Variants in C18orf32 observed in about 807,000 individuals in gnomAD.
C18orf32 encodes UPF0729 protein C18orf32.
In C18orf32, 5 loss-of-function variants were observed where a neutral mutation model predicts 7.4. The ratio of observed to expected loss-of-function variants is 0.68; its 90% CI spans 0.35 to 1.42. C18orf32 has a LOEUF of 1.42. Ranked by LOEUF, C18orf32 falls within the 40% of genes most tolerant of loss-of-function variation. The pLI is 0.04. For synonymous variants in C18orf32, 30 were observed against 29.3 expected (o/e 1.02, Z -0.08); for missense variants, 88 against 92.4 (o/e 0.95, Z 0.19).
At position 49,483,704 on chromosome 18, in the gene C18orf32, G is replaced by A. The variant is rs375834505; in HGVS notation, c.45C>T (p.Ile15=). 1.1e-5 allele frequency: 17 copies of A among 1,613,516 alleles called. No homozygotes were observed. In the African/African-American group the frequency reaches 1.6e-4, roughly 15 times the overall value. ...PCIVIPVLLW[I]YKKFLEPYIY... is the part of the protein sequence containing the mutation. ...TATATGGCTCCAGGAATTTTTTGTA[G>A]ATCCAGAGCAGAACTGGAATGACGA... The change falls in exon 2 of 3, where the codon ATC becomes ATT. Residue 15 remains isoleucine (I), a synonymous_variant. Coordinates refer to ENST00000318240, the MANE Select transcript of C18orf32 (RefSeq NM_001035005.4).
In C18orf32 at chr18:49,481,638, G is replaced by A. The variant is rs1369219838; in HGVS notation, c.*707C>T. The A allele has an allele frequency of 1.3e-5, 2 of 152,114 alleles. No individual in the cohort carries two copies. The highest frequency in any genetic ancestry group is 2.9e-5 in the Non-Finnish European group (2 of 68,036). 9.4% of individuals were successfully genotyped at this position (152,114 alleles called of 1,614,324 possible). On this transcript the variant is annotated 3_prime_UTR_variant, in exon 3 of 3. Coordinates refer to ENST00000318240, the MANE Select transcript of C18orf32 (RefSeq NM_001035005.4). ...AATTTCCCTTTTGAATATTTCAATA[G>A]ACTTTAAAAGAAAATGAACTACCAG...
chr18:49,483,040 C>A (rs1830806730), intron 2 of C18orf32, among the ~76,000 whole-genome samples: 1 of 152,148 alleles, frequency 6.6e-6, no homozygotes, highest in African/African-American at 2.4e-5. Context: ...CTCAGGTGAT[C>A]AACCCATCTT....
chr18:49,486,707 C>T (rs1052760202), intron 1 of C18orf32: 5 of 152,070 alleles, frequency 3.3e-5, no homozygotes, highest in Non-Finnish European at 5.9e-5. Flanking sequence ...CAGTTAAAGT[C>T]TGAGGCTCCA....
At chr18:49,486,278 TCAAAA>T (rs1342380753) in intron 1 of C18orf32, 1 of 152,052 alleles carries the variant, frequency 6.6e-6, no homozygotes, top group Admixed American at 6.6e-5. Context: ...CGAAACCCCT[TCAAAA>T]CAACTGACAA....
In C18orf32 at chr18:49,482,433, A is replaced by C. The variant is rs374231324; in HGVS notation, c.166-23T>G. ...ACCCTAAAATGAAAAAACATTTTAG[A>C]AATTATCATAACAAGCCGGGTGCGG... On this transcript the variant is annotated intron_variant, in intron 2 of 2. Coordinates refer to ENST00000318240, the MANE Select transcript of C18orf32 (RefSeq NM_001035005.4). 1.0e-5 allele frequency: 16 copies of C among 1,571,550 alleles called. No homozygotes were observed. In the African/African-American group the frequency reaches 2.2e-4, roughly 21 times the overall value.
intron 1 of C18orf32, among the ~76,000 whole-genome samples, chr18:49,485,535 C>A (rs1464984967): frequency 6.9e-6 from 1 of 145,478 alleles, no homozygotes; most frequent in Non-Finnish European, 1.5e-5. Context: ...GCCTGCGTGA[C>A]AAGAGCAAAA....
In C18orf32 at chr18:49,487,233, A is replaced by T. The variant is rs545022914; in HGVS notation, c.-214T>A. 2 of 153,530 alleles carry T rather than the reference A, an allele frequency of 1.3e-5. No individual in the cohort carries two copies. The highest frequency in any genetic ancestry group is 4.1e-4 in the South Asian group (2 of 4,840). The allele number at this position is 153,530 out of a possible 1,614,324, so 9.5% of individuals were successfully genotyped here. A position where few individuals can be genotyped will look rare whatever the true frequency, so the allele number is the denominator to read the frequency against. On this transcript the variant is annotated 5_prime_UTR_variant, in exon 1 of 3. The change creates a new upstream start codon in the 5' untranslated region. Transcript: ENST00000318240. Reference sequence around the variant, plus strand: ...CGCGACCGCGGAAACGCAGCTGACAATGTCCGCACTTCCGGAGGGAGGGAC... The same window carrying T: ...CGCGACCGCGGAAACGCAGCTGACATTGTCCGCACTTCCGGAGGGAGGGAC...
rs1415564076 is a variant in C18orf32 at position 49,483,666 on chromosome 18, A to G, written c.83T>C (p.Val28Ala). 1.5e-5 allele frequency: 24 copies of G among 1,613,842 alleles called. No homozygotes were observed. The highest frequency in any genetic ancestry group is 1.9e-5 in the Non-Finnish European group (22 of 1,179,964). Residue 28 changes from valine to alanine, a missense_variant, in exon 2 of 3, where the codon GTT (valine) becomes GCT (alanine). Coordinates refer to ENST00000318240, the MANE Select transcript of C18orf32 (RefSeq NM_001035005.4). Reference sequence around the variant, plus strand: ...CCATATACGACTAACGAAGGGGGAAACCAGAGGGTATATATATGGCTCCAG... The same window carrying G: ...CCATATACGACTAACGAAGGGGGAAGCCAGAGGGTATATATATGGCTCCAG... ...KFLEPYIYPL[V>A]SPFVSRIWPK...
chr18:49,484,170 A>C (rs2083707103), intron 1 of C18orf32, among the ~76,000 whole-genome samples: 1 of 120,864 alleles, frequency 8.3e-6, no homozygotes, highest in African/African-American at 2.9e-5. Context: ...ATATATATAC[A>C]CACACACACA....
intron 1 of C18orf32, among the ~76,000 whole-genome samples, chr18:49,485,251 T>A (rs1196403420): frequency 6.6e-6 from 1 of 152,086 alleles, no homozygotes; most frequent in Non-Finnish European, 1.5e-5. Context: ...AAGCAAGAGC[T>A]ATAAACAAAA....
rs1219314490 is a variant in C18orf32 at position 49,477,893 on chromosome 18, T to TAC, written c.*4450_*4451dup. On this transcript the variant is annotated 3_prime_UTR_variant, in exon 3 of 3. Transcript: ENST00000318240. ...ACTATATATATACACTATATATATA[T>TAC]ACACTATATGTATATACACTATATA... 1 of 139,796 alleles carries TAC rather than the reference T, an allele frequency of 7.2e-6. No individual in the cohort carries two copies. Among genetic ancestry groups the TAC allele is most frequent in the Non-Finnish European group, 1.5e-5 (1 of 65,702 alleles). The allele number at this position is 139,796 out of a possible 1,614,324, so 8.7% of individuals were successfully genotyped here.
chr18:49,478,902 ATTC>A lies in C18orf32; in HGVS notation c.*3440_*3442del, dbSNP rs2083638940. 1 of 140,904 alleles carries A rather than the reference ATTC, an allele frequency of 7.1e-6. No individual in the cohort carries two copies. Among genetic ancestry groups the A allele is most frequent in the African/African-American group, 3.2e-5 (1 of 30,886 alleles). The allele number at this position is 140,904 out of a possible 1,614,324, so 8.7% of individuals were successfully genotyped here. ...AAACTGATGGCTATTTTTGTCCACTATTCCCATGTTCTTTTTCACTCTTCTGGT... is the reference window on the plus strand; with the variant it reads ...AAACTGATGGCTATTTTTGTCCACTACCATGTTCTTTTTCACTCTTCTGGT... On this transcript the variant is annotated 3_prime_UTR_variant, in exon 3 of 3. Coordinates refer to ENST00000318240, the MANE Select transcript of C18orf32 (RefSeq NM_001035005.4).
At position 49,479,687 on chromosome 18, in the gene C18orf32, G is replaced by C. The variant is rs1389395459; in HGVS notation, c.*2658C>G. The C allele has an allele frequency of 6.6e-6, 1 of 152,298 alleles. No individual in the cohort carries two copies. Among genetic ancestry groups the C allele is most frequent in the Non-Finnish European group, 1.5e-5 (1 of 68,122 alleles). The allele number at this position is 152,298 out of a possible 1,614,324, so 9.4% of individuals were successfully genotyped here. On this transcript the variant is annotated 3_prime_UTR_variant, in exon 3 of 3. Transcript: ENST00000318240. ...TCTGGCTGAGGAACAGTTGGCCTGA[G>C]GTGACCTTGCAGAGAGAGGGCCAAG...
chr18:49,482,838 A>C (rs1600473261), intron 2 of C18orf32, among the ~76,000 whole-genome samples: 2 of 135,862 alleles, frequency 1.5e-5, no homozygotes, highest in African/African-American at 2.9e-5. Context: ...CATTCTTGTC[A>C]CCCAGGCTGG....
chr18:49,486,051 A>C (rs1402394418), intron 1 of C18orf32: 1 of 148,404 alleles, frequency 6.7e-6, no homozygotes, highest in Admixed American at 6.9e-5. Flanking sequence ...ACTGGACTCC[A>C]GCCTGGGCCA....
Position 49,480,736 on chromosome 18 carries a change from A to T in C18orf32, c.*1609T>A, listed in dbSNP as rs1040290018. ...TAGAGAGCCGTGATCATGCTGCTGC[A>T]CTCCAGCTTGAGTGACAGAGTGAGA... is the stretch of plus-strand genomic sequence containing the variant. On this transcript the variant is annotated 3_prime_UTR_variant, in exon 3 of 3. Transcript: ENST00000318240. 5 of 152,208 alleles carry T rather than the reference A, an allele frequency of 3.3e-5. No individual in the cohort carries two copies. Among genetic ancestry groups the T allele is most frequent in the Non-Finnish European group, 7.3e-5 (5 of 68,046 alleles). The allele number at this position is 152,208 out of a possible 1,614,324, so 9.4% of individuals were successfully genotyped here.
chr18:49,482,130 T>C lies in C18orf32; in HGVS notation c.*215A>G, dbSNP rs768911330. 5.6e-5 allele frequency: 28 copies of C among 500,664 alleles called. No individual in the cohort carries two copies. The highest frequency in any genetic ancestry group is 9.4e-5 in the Non-Finnish European group (27 of 285,716). 31.0% of individuals were successfully genotyped at this position (500,664 alleles called of 1,614,324 possible). ...AGCAATAACAGAAATGAAAGCTACA[T>C]TAACGAAAAAGGAACTTAGGAATGA... On this transcript the variant is annotated 3_prime_UTR_variant, in exon 3 of 3. Transcript: ENST00000318240.
rs2083634683 is a variant in C18orf32, at chr18:49,478,243, T to C, written c.*4102A>G. 1 of 149,754 alleles carries C rather than the reference T, an allele frequency of 6.7e-6. No homozygotes were observed. The allele number at this position is 149,754 out of a possible 1,614,324, so 9.3% of individuals were successfully genotyped here. A position where few individuals can be genotyped will look rare whatever the true frequency, so the allele number is the denominator to read the frequency against. On this transcript the variant is annotated 3_prime_UTR_variant, in exon 3 of 3. Transcript: ENST00000318240. ...TTGGTGGAGGCGAGGTCTCCCTATGTTGCCCAGGCTGGGATCCTGTTTTTC... is the reference window on the plus strand; with the variant it reads ...TTGGTGGAGGCGAGGTCTCCCTATGCTGCCCAGGCTGGGATCCTGTTTTTC...
At position 49,478,312 on chromosome 18, in the gene C18orf32, G is replaced by A. The variant is rs901772856; in HGVS notation, c.*4033C>T. On this transcript the variant is annotated 3_prime_UTR_variant, in exon 3 of 3. Coordinates refer to ENST00000318240, the MANE Select transcript of C18orf32 (RefSeq NM_001035005.4). Reference sequence around the variant, plus strand: ...ACAGTCTTGCTCTGTCACCTAGGCTGGAGTGCAGTGGTACAATTTCAGCTC... The same window carrying A: ...ACAGTCTTGCTCTGTCACCTAGGCTAGAGTGCAGTGGTACAATTTCAGCTC... The A allele has an allele frequency of 6.7e-6, 1 of 149,970 alleles. No individual in the cohort carries two copies. The highest frequency in any genetic ancestry group is 1.5e-5 in the Non-Finnish European group (1 of 68,074). The allele number at this position is 149,970 out of a possible 1,614,324, so 9.3% of individuals were successfully genotyped here.
Sources: gnomAD v4.1 joint callset for allele counts (sites outside exome capture counted in the v4.1 genomes callset) on GRCh38, gnomAD v4.1.1 for gene constraint, MANE v1.5 for transcripts, NCBI Gene and HGNC (gene_info 2026-07-23, HGNC 2026-07-21) for gene names.